The following F8 variants were observed in gnomAD, a reference collection of about 807,000 sequenced individuals.
The protein encoded by F8 is antihemophilic factor.
In F8, 12 loss-of-function variants were observed where a neutral mutation model predicts 140.6. The observed-to-expected ratio is 0.09, with a 90% CI of 0.05 to 0.14. The LOEUF (loss-of-function observed/expected upper bound fraction) is 0.14, where lower values mean the gene tolerates loss of function less well. Ranked by LOEUF, F8 falls within the 10% of genes least tolerant of loss-of-function variation. F8 has a pLI of 1.00. For missense variants in F8, 1,354 were observed against 1,720.7 expected, an observed-to-expected ratio of 0.79 and a Z score of 3.77; for synonymous variants, 585 against 614.6, an observed-to-expected ratio of 0.95 and a Z score of 0.71.
Position 154,904,534 on chromosome X carries a change from G to T in F8, c.5587-10C>A, listed in dbSNP as rs782714656. On this transcript the variant is annotated splice_polypyrimidine_tract_variant and intron_variant, in intron 16 of 25. Transcript: ENST00000360256. ...AGTGCACATCTTTTTCCTAGGGAGGGAAGACATCAATCCTATGAGTATAAG... is the reference window on the plus strand; with the variant it reads ...AGTGCACATCTTTTTCCTAGGGAGGTAAGACATCAATCCTATGAGTATAAG... 8.5e-7 allele frequency: 1 copy of T among 1,175,405 alleles called. No homozygotes were observed. The highest frequency in any genetic ancestry group is 3.0e-5 in the East Asian group (1 of 33,675).
At chrX:154,991,360 G>C (rs2073587414) in intron 4 of F8, among the ~76,000 whole-genome samples, 1 of 112,306 alleles carries the variant, frequency 8.9e-6, no homozygotes, top group Non-Finnish European at 1.9e-5. Flanking sequence ...GGGGAAAAAG[G>C]TATACTCCCC....
At chrX:154,960,493 T>C (rs1222527306) in intron 10 of F8, among the ~76,000 whole-genome samples, 1 of 110,469 alleles carries the variant, frequency 9.1e-6, no homozygotes, top group Non-Finnish European at 1.9e-5. Context: ...GCAAACAATA[T>C]AGTAAATAAA....
rs782507372 is a variant in F8, at chrX:154,935,974, C to T, written c.2114-4298G>A. On this transcript the variant is annotated intron_variant, in intron 13 of 25. Transcript: ENST00000360256. ...ACAGATTGAATAAGCCTAGAGAATG[C>T]CAAAGTAACACACACACACACACAC... Among the ~76,000 whole-genome samples the T allele has an allele frequency of 1.9e-4, 15 of 77,795 alleles. No homozygotes were observed. In the East Asian group the frequency reaches 5.2e-3, roughly 27 times the overall value. 67.6% of individuals were successfully genotyped at this position (77,795 alleles called of 115,157 possible).
At chrX:154,959,647 T>C (rs1157529125) in intron 10 of F8, among the ~76,000 whole-genome samples, 1 of 111,685 alleles carries the variant, frequency 9.0e-6, no homozygotes, top group Non-Finnish European at 1.9e-5. Flanking sequence ...GCTGGAATTT[T>C]GCATCCATTA....
At chrX:154,853,601 G>A (rs1307742693) in intron 25 of F8, among the ~76,000 whole-genome samples, 1 of 111,342 alleles carries the variant, frequency 9.0e-6, no homozygotes, top group Non-Finnish European at 1.9e-5. Context: ...TCTTCCAGGT[G>A]CCAGAGGATA....
intron 9 of F8, among the ~76,000 whole-genome samples, chrX:154,961,819 G>T (rs1360118273): frequency 9.1e-6 from 1 of 110,187 alleles, no homozygotes; most frequent in Non-Finnish European, 1.9e-5. Context: ...CTTTCTTAAG[G>T]GTTAAACATA....
intron 25 of F8, among the ~76,000 whole-genome samples, chrX:154,847,160 G>A (rs1461876156): frequency 2.7e-5 from 3 of 112,500 alleles, no homozygotes; most frequent in Non-Finnish European, 5.6e-5. Flanking sequence ...TCAGCTGTTA[G>A]TCTGATGGGC....
chrX:154,905,817 T>G (rs1557276294), intron 15 of F8, among the ~76,000 whole-genome samples: 3 of 111,778 alleles, frequency 2.7e-5, no homozygotes. Flanking sequence ...AAAACCATCA[T>G]TTATAAAATT....
intron 22 of F8, among the ~76,000 whole-genome samples, chrX:154,867,296 C>T (rs1034777134): frequency 9.0e-6 from 1 of 111,489 alleles, no homozygotes; most frequent in Non-Finnish European, 1.9e-5. Flanking sequence ...TTCTTAAACT[C>T]TTCCAAAAAA....
At chrX:154,875,849 C>A (rs1343540937) in intron 22 of F8, among the ~76,000 whole-genome samples, 1 of 109,214 alleles carries the variant, frequency 9.2e-6, no homozygotes, top group Non-Finnish European at 1.9e-5. Context: ...ACGTTAGTAT[C>A]CAAAACGTGG....
intron 13 of F8, among the ~76,000 whole-genome samples, chrX:154,936,355 A>G (rs1000007967): frequency 2.7e-5 from 3 of 112,063 alleles, no homozygotes; most frequent in East Asian, 2.8e-4. Flanking sequence ...CACTGTAAAT[A>G]TAAGGATAGA....
At chrX:154,986,257 T>C (rs782275610) in intron 5 of F8, among the ~76,000 whole-genome samples, 7 of 112,339 alleles carry the variant, frequency 6.2e-5, no homozygotes, top group Non-Finnish European at 9.4e-5. Context: ...GAATAGATAA[T>C]GCATTTTGCA....
intron 20 of F8, 49 bp downstream of exon 20, chrX:154,901,322 A>C (rs782137042): frequency 8.5e-5 from 70 of 822,778 alleles, no homozygotes; most frequent in Non-Finnish European, 1.3e-4. Flanking sequence ...GATTATTAAA[A>C]AAAGATATAA....
intron 1 of F8, among the ~76,000 whole-genome samples, chrX:154,999,960 G>A (rs2073638319): frequency 9.0e-6 from 1 of 111,280 alleles, no homozygotes; most frequent in African/African-American, 3.3e-5. Context: ...CCCTCCTTAG[G>A]GATACCAGGA....
chrX:154,974,919 T>C (rs376907529), intron 6 of F8, among the ~76,000 whole-genome samples: 22 of 112,082 alleles, frequency 2.0e-4, no homozygotes, highest in African/African-American at 7.1e-4. Context: ...TATTTCTGTG[T>C]TATCAGTTGT....
At chrX:154,870,963 T>G (rs1603431853) in intron 22 of F8, among the ~76,000 whole-genome samples, 1 of 110,802 alleles carries the variant, frequency 9.0e-6, no homozygotes, top group East Asian at 2.8e-4. Flanking sequence ...ACTAAGAAAA[T>G]AAAATACCTA....
intron 10 of F8, among the ~76,000 whole-genome samples, chrX:154,960,236 T>C (rs1272099889): frequency 9.0e-6 from 1 of 111,506 alleles, no homozygotes; most frequent in Admixed American, 9.5e-5. Context: ...CAAAACAAAG[T>C]AAGTATATAA....
At chrX:154,984,068 T>C (rs2073544102) in intron 6 of F8, among the ~76,000 whole-genome samples, 1 of 111,356 alleles carries the variant, frequency 9.0e-6, no homozygotes, top group East Asian at 2.8e-4. Flanking sequence ...AGGAGAGTCA[T>C]GGATGTGGAA....
chrX:154,847,206 T>C (rs1470193598), intron 25 of F8, among the ~76,000 whole-genome samples: 2 of 112,172 alleles, frequency 1.8e-5, no homozygotes, highest in Non-Finnish European at 3.8e-5. Context: ...TCTGTCTGGC[T>C]GCCCTTAACA....
Sources: allele counts gnomAD v4.1 joint callset (sites outside exome capture counted in the v4.1 genomes callset), GRCh38; gene constraint gnomAD v4.1.1; transcripts MANE v1.5; gene names NCBI Gene and HGNC (gene_info 2026-07-23, HGNC 2026-07-21).